TSKS: variants seen among roughly 807,000 people sequenced by gnomAD.
TSKS encodes the protein testis-specific serine kinase substrate.
Under a neutral mutation model 68.0 loss-of-function variants are expected in TSKS, and 27 were observed. The ratio of observed to expected loss-of-function variants is 0.40; its 90% CI spans 0.29 to 0.55. The LOEUF is 0.55. Ranked by LOEUF, TSKS falls within the 20% of genes least tolerant of loss-of-function variation. The pLI is 0.53. For missense variants in TSKS, 806 were observed against 776.0 expected (o/e 1.04, Z -0.46); for synonymous variants, 331 against 340.4 (o/e 0.97, Z 0.30).
intron 2 of TSKS, among the ~76,000 whole-genome samples, chr19:49,755,453 G>C (rs2084385191): frequency 6.6e-6 from 1 of 152,140 alleles, no homozygotes; most frequent in Non-Finnish European, 1.5e-5. Flanking sequence ...CCAGGACTTT[G>C]GGAGGCTGAG....
At chr19:49,753,260 T>G (rs1287198212) in intron 2 of TSKS, among the ~76,000 whole-genome samples, 1 of 151,968 alleles carries the variant, frequency 6.6e-6, no homozygotes, top group Non-Finnish European at 1.5e-5. Flanking sequence ...ACCTAATCCC[T>G]TAAAAAATAG....
At chr19:49,744,491 G>A in intron 7 of TSKS, 87 bp from the exon 8 acceptor site, 1 of 1,411,216 alleles carries the variant, frequency 7.1e-7, no homozygotes, top group Non-Finnish European at 9.8e-7. Flanking sequence ...CCCACCACTT[G>A]CGTCTCCATC....
In TSKS at chr19:49,762,226, C is replaced by T. The variant is rs775605419; in HGVS notation, c.177G>A (p.Glu59=). ...KKKAVSFHGV[E]PQMSHQPMHW... is the part of the protein sequence containing the mutation. ...GCATGGGCTGATGGGACATCTGGGG[C>T]TCCACCCTGCAGAGAAGAAACAGGC... Residue 59 remains glutamate, a synonymous_variant, in exon 2 of 11, where the codon GAG becomes GAA. Transcript: ENST00000246801. The T allele has an allele frequency of 1.9e-6, 3 of 1,613,620 alleles. No homozygotes were observed. Among genetic ancestry groups the T allele is most frequent in the Non-Finnish European group, 2.5e-6 (3 of 1,179,838 alleles).
chr19:49,758,114 C>G (rs2084408326), intron 2 of TSKS, among the ~76,000 whole-genome samples: 1 of 150,678 alleles, frequency 6.6e-6, no homozygotes, highest in African/African-American at 2.4e-5. Flanking sequence ...GTCTCTGTCC[C>G]CCACTCTCTG....
chr19:49,747,446 A>G lies in TSKS; in HGVS notation c.606T>C (p.Ser202=). The change falls in exon 5 of 11, where the codon TCT becomes TCC. Residue 202 remains serine (S), a synonymous_variant. Transcript: ENST00000246801. The stretch of plus-strand genomic sequence containing the variant: ...TGGTTTTGATTTCAGCATCTTCCAC[A>G]GACCGGGTCACCTTCCAGCAGTTCT... ...LKENCWKVTR[S]VEDAEIKTNV... The G allele has an allele frequency of 6.2e-7, 1 of 1,614,238 alleles. No homozygotes were observed. The highest frequency in any genetic ancestry group is 8.5e-7 in the Non-Finnish European group (1 of 1,180,048).
intron 6 of TSKS, among the ~76,000 whole-genome samples, chr19:49,745,716 C>A (rs1224576907): frequency 6.6e-6 from 1 of 152,096 alleles, no homozygotes; most frequent in East Asian, 1.9e-4. Context: ...CCACGTGGTG[C>A]CTCCAGGACC....
At position 49,742,016 on chromosome 19, in the gene TSKS, C is replaced by A; in HGVS notation, c.1366G>T (p.Gly456Trp). 1 of 1,613,970 alleles carries A rather than the reference C, an allele frequency of 6.2e-7. No individual in the cohort carries two copies. Among genetic ancestry groups the A allele is most frequent in the Non-Finnish European group, 8.5e-7 (1 of 1,180,012 alleles). Residue 456 changes from glycine (G) to tryptophan (W), a missense_variant, in exon 9 of 11, where the codon GGG (glycine) becomes TGG (tryptophan). Gly to Trp is a radical substitution (Grantham distance 184, BLOSUM62 -2). Transcript: ENST00000246801. ...AGGGACTCCGTAGACAACTGCGACC[C>A]CTGGCTGGGGGAGGGGCGGTCACCA... ...QGNCARCASQ[G>W]SQLSTESLQQ...
intron 7 of TSKS, 111 bp downstream of exon 7, chr19:49,745,091 G>A: frequency 1.8e-6 from 2 of 1,087,982 alleles, no homozygotes; most frequent in Non-Finnish European, 1.3e-6. Context: ...TATATGTTCC[G>A]GAATGCCTGG....
intron 2 of TSKS, among the ~76,000 whole-genome samples, chr19:49,749,895 C>T (rs1184040585): frequency 6.6e-6 from 1 of 152,088 alleles, no homozygotes; most frequent in Non-Finnish European, 1.5e-5. Context: ...CAAGCATGAG[C>T]CACTGTGCCC....
At chr19:49,749,179 C>T (rs994097376) in intron 2 of TSKS, among the ~76,000 whole-genome samples, 1 of 152,208 alleles carries the variant, frequency 6.6e-6, no homozygotes, top group Non-Finnish European at 1.5e-5. Flanking sequence ...GATATGAACA[C>T]TTGCTATGCA....
chr19:49,751,424 G>T (rs749214281), intron 2 of TSKS, among the ~76,000 whole-genome samples: 1 of 151,822 alleles, frequency 6.6e-6, no homozygotes, highest in Non-Finnish European at 1.5e-5. Flanking sequence ...CCAAAGGCTT[G>T]CAGCAACTCA....
chr19:49,746,404 T>G, intron 6 of TSKS, 66 bp downstream of exon 6: 8 of 1,585,890 alleles, frequency 5.0e-6, no homozygotes, highest in Non-Finnish European at 6.9e-6. Context: ...CCGCATCTCC[T>G]CGAGGCTCCA....
At position 49,747,394 on chromosome 19, in the gene TSKS, G is replaced by T. The variant is rs369324721; in HGVS notation, c.658C>A (p.Leu220Met). The change falls in exon 5 of 11, where the codon CTG becomes ATG. Residue 220 changes from leucine (L) to methionine (M), a missense_variant. Leu to Met is a conservative substitution (Grantham distance 15). Coordinates refer to ENST00000246801, the MANE Select transcript of TSKS (RefSeq NM_021733.2). ...GACTGCCCCCTAGCCCTTACCTCCA[G>T]CAGGGCAGAATTCTGCTTCAAGACG... ...TNVLKQNSAL[L>M]EEKLRYLQQQ... 8.7e-6 allele frequency: 14 copies of T among 1,614,176 alleles called. No homozygotes were observed. The highest frequency in any genetic ancestry group is 1.2e-5 in the Non-Finnish European group (14 of 1,180,030).
intron 9 of TSKS, among the ~76,000 whole-genome samples, chr19:49,741,002 C>A (rs2084247465): frequency 6.6e-6 from 1 of 151,990 alleles, no homozygotes; most frequent in African/African-American, 2.4e-5. Context: ...CACGGTGAAA[C>A]CCTGTCTCCA....
chr19:49,741,821 G>T, intron 9 of TSKS, 64 bp downstream of exon 9: 1 of 1,608,868 alleles, frequency 6.2e-7, no homozygotes, highest in Non-Finnish European at 8.5e-7. Flanking sequence ...TGAGTCCGGG[G>T]TTCCCCTCCC....
At position 49,747,681 on chromosome 19, in the gene TSKS, C is replaced by T. The variant is rs3826760; in HGVS notation, c.580-209G>A. On this transcript the variant is annotated intron_variant, in intron 4 of 10. Coordinates refer to ENST00000246801, the MANE Select transcript of TSKS (RefSeq NM_021733.2). Reference sequence around the variant, plus strand: ...CCCTCCACTTCCTCCCACCTCTCTTCGGTCCACCCATTCCATTTCTCCTCT... The same window carrying T: ...CCCTCCACTTCCTCCCACCTCTCTTTGGTCCACCCATTCCATTTCTCCTCT... Among the ~76,000 whole-genome samples, 14 of 152,236 alleles carry T rather than the reference C, an allele frequency of 9.2e-5. No homozygotes were observed. In the East Asian group the frequency reaches 2.3e-3, roughly 25 times the overall value.
intron 2 of TSKS, among the ~76,000 whole-genome samples, chr19:49,751,977 G>A (rs145850578): frequency 6.8e-4 from 103 of 152,048 alleles, no homozygotes; most frequent in African/African-American, 2.4e-3. Flanking sequence ...AGGAGGCTGA[G>A]GTTGAAGAAT....
chr19:49,761,880 G>C, intron 2 of TSKS, 124 bp downstream of exon 2: 1 of 732,216 alleles, frequency 1.4e-6, no homozygotes, highest in South Asian at 1.9e-5. Context: ...TAGTTCCTCT[G>C]GGTCTCGAAT....
At chr19:49,754,239 C>T (rs2123621836) in intron 2 of TSKS, among the ~76,000 whole-genome samples, 1 of 150,700 alleles carries the variant, frequency 6.6e-6, no homozygotes, top group African/African-American at 2.4e-5. Context: ...TGGCTCACAC[C>T]TGTAATCTCA....
Sources: gnomAD v4.1 joint callset for allele counts (sites outside exome capture counted in the v4.1 genomes callset) on GRCh38, gnomAD v4.1.1 for gene constraint, MANE v1.5 for transcripts, NCBI Gene and HGNC (gene_info 2026-07-23, HGNC 2026-07-21) for gene names.